STPG2: variants seen among roughly 807,000 people sequenced by gnomAD.
STPG2 encodes sperm-tail PG-rich repeat-containing protein 2.
Under a neutral mutation model 54.2 loss-of-function variants are expected in STPG2, and 56 were observed. The ratio of observed to expected loss-of-function variants is 1.03; its 90% CI spans 0.83 to 1.29. The LOEUF (loss-of-function observed/expected upper bound fraction) is 1.29. Ranked by LOEUF, STPG2 falls within the 50% of genes most tolerant of loss-of-function variation. The pLI, the probability that STPG2 is intolerant of heterozygous loss-of-function variation, is 0.00. For missense variants in STPG2, 596 were observed against 544.9 expected, an observed-to-expected ratio of 1.09 and a Z score of -0.93; for synonymous variants, 200 against 181.8, an observed-to-expected ratio of 1.10 and a Z score of -0.81.
chr4:97,554,131 G>A (rs1204293462), downstream of STPG2, among the ~76,000 whole-genome samples: 1 of 151,924 alleles, frequency 6.6e-6, no homozygotes, highest in Non-Finnish European at 1.5e-5. Flanking sequence ...TCTATCCTTT[G>A]AGCAGTCCCA....
Position 98,107,188 on chromosome 4 carries a change from C to A in STPG2, c.501-1124G>T, listed in dbSNP as rs562971413. On this transcript the variant is annotated intron_variant, in intron 4 of 10. Transcript: ENST00000295268. ...CATATCATTTAGGTCTGTATCTTTACCAAAAAGAGACCTATACACTTATCT... is the reference window on the plus strand; with the variant it reads ...CATATCATTTAGGTCTGTATCTTTAACAAAAAGAGACCTATACACTTATCT... Among the ~76,000 whole-genome samples, 6 of 152,086 alleles carry A rather than the reference C, an allele frequency of 3.9e-5. No homozygotes were observed. In the East Asian group the frequency reaches 1.2e-3, roughly 29 times the overall value.
At chr4:97,652,582 T>A (rs1210610151) in intron 10 of STPG2, among the ~76,000 whole-genome samples, 2 of 151,950 alleles carry the variant, frequency 1.3e-5, no homozygotes, top group African/African-American at 4.8e-5. Flanking sequence ...ATTATAATTT[T>A]CCTACCTCAT....
intron 10 of STPG2, among the ~76,000 whole-genome samples, chr4:97,587,281 AAG>A (rs966024399): frequency 6.6e-6 from 1 of 151,892 alleles, no homozygotes; most frequent in Non-Finnish European, 1.5e-5. Context: ...GCATTTTTTA[AAG>A]CTCTGATTTC....
intron 8 of STPG2, 37 bp downstream of exon 8, chr4:97,943,860 A>G: frequency 7.0e-7 from 1 of 1,421,892 alleles, no homozygotes. Context: ...CATGATTTCT[A>G]GATAATGAAA....
intron 9 of STPG2, among the ~76,000 whole-genome samples, chr4:97,727,273 TTA>T (rs1264704847): frequency 6.6e-6 from 1 of 151,920 alleles, no homozygotes; most frequent in African/African-American, 2.4e-5. Context: ...AGTTTTATAT[TTA>T]TCTTTCTAAT....
chr4:97,702,624 G>T (rs1723811627), intron 10 of STPG2, among the ~76,000 whole-genome samples: 1 of 152,144 alleles, frequency 6.6e-6, no homozygotes, highest in Admixed American at 6.5e-5. Flanking sequence ...GACAAAGGTG[G>T]AATGGCTGAT....
At chr4:97,849,129 T>C (rs891138295) in intron 8 of STPG2, among the ~76,000 whole-genome samples, 2 of 150,402 alleles carry the variant, frequency 1.3e-5, no homozygotes, top group Non-Finnish European at 3.0e-5. Context: ...TTCCTACCCA[T>C]GAGCATGGAA....
chr4:97,901,782 CACG>C (rs1455137533), intron 8 of STPG2, among the ~76,000 whole-genome samples: 10 of 151,792 alleles, frequency 6.6e-5, no homozygotes, highest in Admixed American at 2.0e-4. Context: ...ATCAAAATTT[CACG>C]ACATTTTTCA....
chr4:97,508,538 A>C (rs2148838707), intron 4 of STPG2, among the ~76,000 whole-genome samples: 1 of 152,272 alleles, frequency 6.6e-6, no homozygotes, highest in South Asian at 2.1e-4. Flanking sequence ...CAAATTAGAT[A>C]ACATTTTGGA....
chr4:97,781,200 GAA>G (rs765270862), intron 9 of STPG2, among the ~76,000 whole-genome samples: 2 of 151,972 alleles, frequency 1.3e-5, no homozygotes, highest in East Asian at 1.9e-4. Context: ...GACTAATGAA[GAA>G]AAGAGAGAAG....
intron 4 of STPG2, among the ~76,000 whole-genome samples, chr4:97,509,966 C>T (rs1282590689): frequency 6.6e-6 from 1 of 152,054 alleles, no homozygotes; most frequent in Non-Finnish European, 1.5e-5. Flanking sequence ...CCTCCCACCC[C>T]TAATCCGTGG....
chr4:98,010,216 A>C (rs943702249), intron 5 of STPG2, among the ~76,000 whole-genome samples: 7 of 151,858 alleles, frequency 4.6e-5, no homozygotes, highest in Non-Finnish European at 1.0e-4. Flanking sequence ...TACTATTTTG[A>C]TGTAGGTATT....
chr4:97,467,959 A>G (rs548266488), intron 4 of STPG2, among the ~76,000 whole-genome samples: 1 of 151,808 alleles, frequency 6.6e-6, no homozygotes, highest in African/African-American at 2.4e-5. Context: ...TAAACATTAT[A>G]TTATCTCTAA....
At chr4:97,797,151 C>A (rs143906279) in intron 9 of STPG2, among the ~76,000 whole-genome samples, 19,419 of 152,128 alleles carry the variant, frequency 0.13, 1,897 homozygotes, top group African/African-American at 0.26. Flanking sequence ...AATTTGATTT[C>A]CTCTTTTCCT....
intron 8 of STPG2, among the ~76,000 whole-genome samples, chr4:97,842,502 T>C (rs920401100): frequency 1.3e-5 from 2 of 151,922 alleles, no homozygotes; most frequent in African/African-American, 4.8e-5. Flanking sequence ...TGATTGTGCC[T>C]ACTATACACT....
rs189169882 is a variant in STPG2, at chr4:97,687,232, G to T, written c.1320+25467C>A. Among the ~76,000 whole-genome samples, 235 of 152,070 alleles carry T rather than the reference G, an allele frequency of 1.5e-3. 1 individual carries two copies. The highest frequency in any genetic ancestry group is 5.4e-3 in the African/African-American group (225 of 41,492). On this transcript the variant is annotated intron_variant, in intron 10 of 10. Transcript: ENST00000295268. ...CCCAAAGTGCTGGGATTACAGGCAT[G>T]AGCCACCGTGCCCGGCCCTAACATT...
intron 7 of STPG2, among the ~76,000 whole-genome samples, chr4:97,971,571 T>C (rs991351223): frequency 1.3e-5 from 2 of 152,084 alleles, no homozygotes; most frequent in African/African-American, 4.8e-5. Context: ...CACCGCAGGT[T>C]CTCACTCATA....
intron 5 of STPG2, among the ~76,000 whole-genome samples, chr4:98,020,654 CT>C (rs1338920140): frequency 6.6e-6 from 1 of 152,010 alleles, no homozygotes; most frequent in African/African-American, 2.4e-5. Flanking sequence ...GTCCTGGACT[CT>C]TTTTGGTTGG....
At chr4:97,912,705 C>A (rs1478837458) in intron 8 of STPG2, among the ~76,000 whole-genome samples, 1 of 152,172 alleles carries the variant, frequency 6.6e-6, no homozygotes, top group Non-Finnish European at 1.5e-5. Flanking sequence ...AAAGACCAAA[C>A]CTATGAATGA....
Sources: allele counts gnomAD v4.1 joint callset (sites outside exome capture counted in the v4.1 genomes callset), GRCh38; gene constraint gnomAD v4.1.1; transcripts MANE v1.5; gene names NCBI Gene and HGNC (gene_info 2026-07-23, HGNC 2026-07-21).